Variants in SLC19A3 observed in about 807,000 individuals in gnomAD.
SLC19A3 encodes the protein solute carrier family 19 member 3.
In SLC19A3, 31 loss-of-function variants were observed where a neutral mutation model predicts 40.2. That is an observed-to-expected ratio of 0.77 (90% CI 0.58 to 1.04). The LOEUF (loss-of-function observed/expected upper bound fraction) is 1.04. Ranked by LOEUF, SLC19A3 falls within the 50% of genes least tolerant of loss-of-function variation. The pLI is 0.00. For missense variants in SLC19A3, 592 were observed against 596.7 expected, an observed-to-expected ratio of 0.99 and a Z score of 0.08; for synonymous variants, 212 against 227.5, an observed-to-expected ratio of 0.93 and a Z score of 0.61.
Position 227,702,162 on chromosome 2 carries a change from A to C in SLC19A3, c.150+7T>G, listed in dbSNP as rs960101859. The C allele has an allele frequency of 6.2e-7, 1 of 1,611,430 alleles. No individual in the cohort carries two copies. Among genetic ancestry groups the C allele is most frequent in the African/African-American group, 1.3e-5 (1 of 74,986 alleles). On this transcript the variant is annotated splice_region_variant and intron_variant, in intron 2 of 5. Transcript: ENST00000644224. ...CCACATTAAGATATGTATGTATGTTAACTTACCTCTGCACTGGTCAGGTTT... is the reference window on the plus strand; with the variant it reads ...CCACATTAAGATATGTATGTATGTTCACTTACCTCTGCACTGGTCAGGTTT...
At chr2:227,716,329 G>T (rs763494004) in intron 1 of SLC19A3, among the ~76,000 whole-genome samples, 1 of 151,948 alleles carries the variant, frequency 6.6e-6, no homozygotes, top group Non-Finnish European at 1.5e-5. Context: ...GTTCTTCTTT[G>T]ATCTGGCTAC....
intron 2 of SLC19A3, chr2:227,701,358 A>G (rs1448501944): frequency 5.0e-6 from 1 of 199,144 alleles, no homozygotes; most frequent in African/African-American, 2.4e-5. Flanking sequence ...GCGGTGGCTC[A>G]CGCCTGTAAT....
intron 4 of SLC19A3, among the ~76,000 whole-genome samples, chr2:227,693,870 T>C (rs897940898): frequency 1.3e-5 from 2 of 151,950 alleles, no homozygotes; most frequent in Non-Finnish European, 2.9e-5. Flanking sequence ...CAAACAACTC[T>C]ACAGGGAAAA....
chr2:227,710,467 G>A (rs755520297), intron 1 of SLC19A3, among the ~76,000 whole-genome samples: 8 of 152,076 alleles, frequency 5.3e-5, no homozygotes, highest in Non-Finnish European at 7.4e-5. Context: ...AGGCCGAGAC[G>A]GGTGGATCAC....
chr2:227,690,049 G>A (rs1271878342), intron 4 of SLC19A3, among the ~76,000 whole-genome samples: 11 of 152,004 alleles, frequency 7.2e-5, no homozygotes, highest in Non-Finnish European at 1.5e-4. Flanking sequence ...TATCACCAGA[G>A]AAAATCACCT....
At chr2:227,695,104 A>T (rs1205557889) in intron 4 of SLC19A3, among the ~76,000 whole-genome samples, 3 of 152,180 alleles carry the variant, frequency 2.0e-5, no homozygotes, top group Non-Finnish European at 4.4e-5. Flanking sequence ...GACTGCAGCT[A>T]AAGGTTTCTT....
intron 4 of SLC19A3, among the ~76,000 whole-genome samples, chr2:227,689,032 G>T (rs1695124913): frequency 6.6e-6 from 1 of 151,998 alleles, no homozygotes; most frequent in South Asian, 2.1e-4. Flanking sequence ...TCAAGCAGAA[G>T]AAATAATTAG....
chr2:227,703,875 C>G lies in SLC19A3; in HGVS notation c.-2-1555G>C, dbSNP rs934575244. 1.3e-5 allele frequency among the ~76,000 whole-genome samples: 2 copies of G among 152,144 alleles called. No homozygotes were observed. The highest frequency in any genetic ancestry group is 2.9e-5 in the Non-Finnish European group (2 of 68,022). On this transcript the variant is annotated intron_variant, in intron 1 of 5. Transcript: ENST00000644224. This position sits in a 1 kb window ranked among gnomAD's most constrained non-coding sequence, Gnocchi z 4.7. ...TGTGCATCTGAGACCTAGGACTATGCCACAGTGATCCACAGGCTGCTAAAA... is the reference window on the plus strand; with the variant it reads ...TGTGCATCTGAGACCTAGGACTATGGCACAGTGATCCACAGGCTGCTAAAA...
chr2:227,698,957 T>G lies in SLC19A3; in HGVS notation c.758A>C (p.Lys253Thr), dbSNP rs760746323. The G allele has an allele frequency of 6.2e-7, 1 of 1,614,200 alleles. No homozygotes were observed. The highest frequency in any genetic ancestry group is 1.1e-5 in the South Asian group (1 of 91,078). Reference protein sequence around the residue: ...KLNKGQLNSLKPSNVTVDVFV... With the variant: ...KLNKGQLNSLTPSNVTVDVFV... ...AACGTCCACAGTCACATTGCTTGGT[T>G]TCAGGCTGTTCAGCTGGCCCTTATT... Residue 253 changes from lysine to threonine, a missense_variant, in exon 3 of 6, where the codon AAA (lysine) becomes ACA (threonine). Coordinates refer to ENST00000644224, the MANE Select transcript of SLC19A3 (RefSeq NM_025243.4).
chr2:227,706,472 GA>G, intron 1 of SLC19A3: 1 of 1,219,982 alleles, frequency 8.2e-7, no homozygotes, highest in Non-Finnish European at 1.0e-6. Context: ...GTAAACGGTA[GA>G]TTAAAAATTT....
Position 227,687,857 on chromosome 2 carries a change from C to CA in SLC19A3, c.1315-285dup, listed in dbSNP as rs1259797173. 2.6e-5 allele frequency among the ~76,000 whole-genome samples: 4 copies of CA among 151,908 alleles called. No individual in the cohort carries two copies. The East Asian group carries it at 7.8e-4, about 29-fold the overall frequency. On this transcript the variant is annotated intron_variant, in intron 5 of 5. Coordinates refer to ENST00000644224, the MANE Select transcript of SLC19A3 (RefSeq NM_025243.4). ...AGTAAAAAACAAAACAAAACAAACC[C>CA]AAAAAAACACTAAAACTCATTGACC... is the stretch of plus-strand genomic sequence containing the variant.
At chr2:227,708,554 T>C (rs2106339352) in intron 1 of SLC19A3, among the ~76,000 whole-genome samples, 1 of 123,256 alleles carries the variant, frequency 8.1e-6, no homozygotes, top group Admixed American at 9.4e-5. Flanking sequence ...TGAGACCCTG[T>C]CTCTATCAAA....
intron 1 of SLC19A3, chr2:227,706,709 T>G (rs1695958885): frequency 1.8e-5 from 3 of 162,256 alleles, no homozygotes; most frequent in African/African-American, 7.2e-5. Context: ...AGATGGAGGT[T>G]GCAGTGAGTG....
At position 227,703,487 on chromosome 2, in the gene SLC19A3, A is replaced by C. The variant is rs1177212484; in HGVS notation, c.-2-1167T>G. On this transcript the variant is annotated intron_variant, in intron 1 of 5. Coordinates refer to ENST00000644224, the MANE Select transcript of SLC19A3 (RefSeq NM_025243.4). The surrounding 1 kb of genome is among the most constrained non-coding windows in gnomAD (Gnocchi z 4.7). ...ACTGTTTATGTCAACAAAGCCCTTG[A>C]TTAAGCAGTGGAGAGACAAGAGCGA... 6.6e-6 allele frequency among the ~76,000 whole-genome samples: 1 copy of C among 152,210 alleles called. No homozygotes were observed. The highest frequency in any genetic ancestry group is 2.4e-5 in the African/African-American group (1 of 41,450).
rs1351031977 is a variant in SLC19A3, at chr2:227,695,873, G to A, written c.1172+16C>T. On this transcript the variant is annotated intron_variant, in intron 4 of 5. Coordinates refer to ENST00000644224, the MANE Select transcript of SLC19A3 (RefSeq NM_025243.4). ...AGGAATACAGTTCAGTTTTAGGAGT[G>A]GTTGGTAAAACTTACACTGCTATGG... The A allele has an allele frequency of 6.2e-7, 1 of 1,611,596 alleles. No homozygotes were observed. Among genetic ancestry groups the A allele is most frequent in the South Asian group, 1.1e-5 (1 of 90,984 alleles).
chr2:227,715,407 G>T (rs773203881), intron 1 of SLC19A3, among the ~76,000 whole-genome samples: 5 of 152,016 alleles, frequency 3.3e-5, no homozygotes, highest in Non-Finnish European at 7.4e-5. Context: ...TTTATTTTTA[G>T]TAAAGATGGG....
chr2:227,689,377 A>G (rs1695136844), intron 4 of SLC19A3, among the ~76,000 whole-genome samples: 4 of 152,238 alleles, frequency 2.6e-5, no homozygotes, highest in Admixed American at 1.3e-4. Context: ...GAGAAAGGAA[A>G]TAAATAACAT....
At position 227,686,592 on chromosome 2, in the gene SLC19A3, T is replaced by G. The variant is rs987661954; in HGVS notation, c.*805A>C. On this transcript the variant is annotated 3_prime_UTR_variant, in exon 6 of 6. Transcript: ENST00000644224. ...CCTTGGCCTCCCAAATTGCTCGGAT[T>G]ACAGGAGTGAGCCACTGCACCTGGC... 6.6e-6 allele frequency: 1 copy of G among 152,540 alleles called. No homozygotes were observed. Among genetic ancestry groups the G allele is most frequent in the African/African-American group, 2.4e-5 (1 of 41,428 alleles). 9.4% of individuals were successfully genotyped at this position (152,540 alleles called of 1,614,324 possible).
At chr2:227,700,989 T>C in intron 2 of SLC19A3, 1 of 1,304,276 alleles carries the variant, frequency 7.7e-7, no homozygotes, top group South Asian at 1.2e-5. Context: ...GAGCTGCTCC[T>C]TGGAGGGAAG....
Sources: allele counts gnomAD v4.1 joint callset (sites outside exome capture counted in the v4.1 genomes callset), GRCh38; gene constraint gnomAD v4.1.1; non-coding constraint Gnocchi (gnomAD v3.1); transcripts MANE v1.5; gene names NCBI Gene and HGNC (gene_info 2026-07-23, HGNC 2026-07-21).